The following CCP110 variants were observed in gnomAD, a reference collection of about 807,000 sequenced individuals.
CCP110 encodes centriolar coiled-coil protein 110, also known as centriolar coiled-coil protein of 110 kDa.
In CCP110, 43 loss-of-function variants were observed where a neutral mutation model predicts 105.5. The ratio of observed to expected loss-of-function variants is 0.41; its 90% CI spans 0.32 to 0.53. The LOEUF is 0.53. CCP110 is among the 20% of genes least tolerant of loss of function. The pLI, the probability that CCP110 is intolerant of heterozygous loss-of-function variation, is 0.32. For synonymous variants in CCP110, 353 were observed against 392.1 expected (o/e 0.90, Z 1.18); for missense variants, 1,016 against 1,189.1 (o/e 0.85, Z 2.14).
chr16:19,539,352 C>G (rs2151474855), intron 4 of CCP110, among the ~76,000 whole-genome samples: 1 of 143,802 alleles, frequency 7.0e-6, no homozygotes, highest in East Asian at 2.1e-4. Context: ...AAAACCTGTG[C>G]AACTTTTTTT....
chr16:19,540,810 C>T, intron 5 of CCP110, 23 bp downstream of exon 5: 4 of 1,602,474 alleles, frequency 2.5e-6, no homozygotes, highest in Non-Finnish European at 3.4e-6. Flanking sequence ...GAGGGAGATA[C>T]AACTGGTAAG....
At chr16:19,535,653 T>C (rs912507751) in intron 3 of CCP110, among the ~76,000 whole-genome samples, 1 of 152,232 alleles carries the variant, frequency 6.6e-6, no homozygotes, top group African/African-American at 2.4e-5. Flanking sequence ...TGTGTGTGTG[T>C]ATACACATAT....
exon 4 of CCP110, chr16:19,537,381 G>A: frequency 1.2e-6 from 2 of 1,611,936 alleles, no homozygotes; most frequent in South Asian, 2.2e-5. Context: ...ATGGTGTCCT[G>A]TGGAAATGAA....
At chr16:19,550,789 G>C (rs560839109) in intron 14 of CCP110, among the ~76,000 whole-genome samples, 1 of 152,174 alleles carries the variant, frequency 6.6e-6, no homozygotes, top group African/African-American at 2.4e-5. Context: ...TGCAATCTCT[G>C]ATGTTATCGT....
At chr16:19,537,830 T>TC (rs1450710255) in intron 4 of CCP110, among the ~76,000 whole-genome samples, 1 of 152,188 alleles carries the variant, frequency 6.6e-6, no homozygotes, top group Non-Finnish European at 1.5e-5. Context: ...TGACTTCAGC[T>TC]CACTACAACC....
intron 3 of CCP110, among the ~76,000 whole-genome samples, chr16:19,533,667 A>T (rs112756212): frequency 0.014 from 2,166 of 152,260 alleles, 55 homozygotes; most frequent in African/African-American, 0.048. Context: ...TCAAATATAC[A>T]TTTGTCTCCA....
At position 19,542,873 on chromosome 16, in the gene CCP110, C is replaced by G; in HGVS notation, c.2368-5C>G. On this transcript the variant is annotated splice_polypyrimidine_tract_variant and splice_region_variant and intron_variant, in intron 7 of 14. Coordinates refer to ENST00000381396, the Ensembl canonical transcript of CCP110. The stretch of plus-strand genomic sequence containing the variant: ...TAAACATTGTGTCTGTCTTCTTTCT[C>G]CTAGGTTTTTAGTCTGGAAATACAA... 6.3e-7 allele frequency: 1 copy of G among 1,583,912 alleles called. No individual in the cohort carries two copies. Among genetic ancestry groups the G allele is most frequent in the Non-Finnish European group, 8.7e-7 (1 of 1,152,992 alleles).
intron 3 of CCP110, among the ~76,000 whole-genome samples, chr16:19,535,480 G>A (rs769666527): frequency 6.6e-6 from 1 of 152,060 alleles, no homozygotes; most frequent in South Asian, 2.1e-4. Context: ...AGAGGGAATC[G>A]TTTACGTAAG....
chr16:19,543,111 G>T, intron 8 of CCP110, 117 bp downstream of exon 8: 1 of 637,886 alleles, frequency 1.6e-6, no homozygotes. Context: ...CTGTAATCTA[G>T]GCAGTTTTAG....
At chr16:19,540,928 AT>A (rs1026187938) in intron 5 of CCP110, 141 bp downstream of exon 5, 1 of 532,616 alleles carries the variant, frequency 1.9e-6, no homozygotes, top group Non-Finnish European at 3.3e-6. Flanking sequence ...CGTGAATGGT[AT>A]TTTTTGTCAA....
Position 19,547,952 on chromosome 16 carries a change from C to G in CCP110, c.2841-3C>G. The G allele has an allele frequency of 6.2e-7, 1 of 1,603,382 alleles. No homozygotes were observed. ...ATTAATTTTTCATTTAATTTGTCAA[C>G]AGAGTCCTTCAGCCAAACCAAGGAC... On this transcript the variant is annotated splice_polypyrimidine_tract_variant and splice_region_variant and intron_variant, in intron 12 of 14. Coordinates refer to ENST00000381396, the Ensembl canonical transcript of CCP110.
intron 2 of CCP110, among the ~76,000 whole-genome samples, chr16:19,530,349 G>A (rs1161284024): frequency 6.6e-6 from 1 of 152,036 alleles, no homozygotes; most frequent in Non-Finnish European, 1.5e-5. Context: ...AACTGGAAGT[G>A]AAGTTTGATA....
At chr16:19,543,410 G>A (rs1970355138) in intron 8 of CCP110, among the ~76,000 whole-genome samples, 1 of 149,442 alleles carries the variant, frequency 6.7e-6, no homozygotes, top group Non-Finnish European at 1.5e-5. Context: ...AGCTGAGGAT[G>A]TAGGTCACCT....
exon 5 of CCP110, chr16:19,540,715 A>G: frequency 6.2e-7 from 1 of 1,613,152 alleles, no homozygotes; most frequent in Non-Finnish European, 8.5e-7. Flanking sequence ...GGAAGAGACT[A>G]GAAGAACAGC....
chr16:19,546,026 T>C (rs1005536908), intron 11 of CCP110, 136 bp downstream of exon 11: 1 of 570,354 alleles, frequency 1.8e-6, no homozygotes, highest in Non-Finnish European at 3.1e-6. Context: ...CCCCTTTATA[T>C]AAAGAAATTT....
At chr16:19,528,968 G>A (rs531976080) in intron 2 of CCP110, among the ~76,000 whole-genome samples, 1 of 152,348 alleles carries the variant, frequency 6.6e-6, no homozygotes, top group East Asian at 1.9e-4. Flanking sequence ...AGTCTAGGCT[G>A]TGGAGCCTTC....
At chr16:19,537,126 C>T in exon 4 of CCP110, 1 of 1,614,160 alleles carries the variant, frequency 6.2e-7, no homozygotes, top group South Asian at 1.1e-5. Context: ...CAGTTAACAT[C>T]CGATGAGAGA....
At position 19,549,715 on chromosome 16, in the gene CCP110, T is replaced by G. The variant is rs1970573592; in HGVS notation, c.2986+1115T>G. 2.0e-5 allele frequency among the ~76,000 whole-genome samples: 3 copies of G among 152,360 alleles called. No individual in the cohort carries two copies. In the South Asian group the frequency reaches 6.2e-4, roughly 32 times the overall value. ...CAAACCTGTGGAATTTTAAGACATTTTCTGTTTTTCTCATGTTAGTATTCT... is the reference window on the plus strand; with the variant it reads ...CAAACCTGTGGAATTTTAAGACATTGTCTGTTTTTCTCATGTTAGTATTCT... On this transcript the variant is annotated intron_variant, in intron 14 of 14. Coordinates refer to ENST00000381396, the Ensembl canonical transcript of CCP110.
In CCP110 at chr16:19,548,347, T is replaced by C; in HGVS notation, c.2901-168T>C. 1 of 588,622 alleles carries C rather than the reference T, an allele frequency of 1.7e-6. No homozygotes were observed. The highest frequency in any genetic ancestry group is 3.0e-6 in the Non-Finnish European group (1 of 336,286). 36.5% of individuals were successfully genotyped at this position (588,622 alleles called of 1,614,324 possible). A position where few individuals can be genotyped will look rare whatever the true frequency, so the allele number is the denominator to read the frequency against. Reference sequence around the variant, plus strand: ...AGTATGACTCGTGCTTATAGTCTCCTGCTGAAGCCAGAGTTTAGCTTTCCT... The same window carrying C: ...AGTATGACTCGTGCTTATAGTCTCCCGCTGAAGCCAGAGTTTAGCTTTCCT... On this transcript the variant is annotated intron_variant, in intron 13 of 14. Transcript: ENST00000381396. The surrounding 1 kb of genome is among the most constrained non-coding windows in gnomAD (Gnocchi z 4.1).
Sources: allele counts gnomAD v4.1 joint callset (sites outside exome capture counted in the v4.1 genomes callset), GRCh38; gene constraint gnomAD v4.1.1; non-coding constraint Gnocchi (gnomAD v3.1); transcripts MANE v1.5; gene names NCBI Gene and HGNC (gene_info 2026-07-23, HGNC 2026-07-21).